Variants in IFNK observed in about 807,000 individuals in gnomAD.
The protein encoded by IFNK is interferon kappa.
IFNK carries 13 observed loss-of-function variants against 12.0 expected under a neutral mutation model. The observed-to-expected ratio is 1.08, with a 90% CI of 0.70 to 1.72. The LOEUF (loss-of-function observed/expected upper bound fraction) is 1.72. Among genes scored for constraint, IFNK ranks in the 40% most tolerant of loss-of-function variants. The pLI is 0.00. For missense variants in IFNK, 248 were observed against 237.0 expected, an observed-to-expected ratio of 1.05 and a Z score of -0.30; for synonymous variants, 94 against 82.3, an observed-to-expected ratio of 1.14 and a Z score of -0.77.
At chr9:27,524,993 T>A in intron 1 of IFNK, 32 bp downstream of exon 1, 1 of 1,498,442 alleles carries the variant, frequency 6.7e-7, no homozygotes, top group Non-Finnish European at 8.9e-7. Flanking sequence ...TCCTTTTCCC[T>A]CCGAAATCTC....
At chr9:27,525,304 G>T (rs1357787563) in intron 1 of IFNK, among the ~76,000 whole-genome samples, 1 of 152,090 alleles carries the variant, frequency 6.6e-6, no homozygotes, top group African/African-American at 2.4e-5. Flanking sequence ...TAGAGGATAG[G>T]GAGCAGAGAA....
intron 1 of IFNK, 38 bp downstream of exon 1, chr9:27,524,999 ATC>A (rs1432272667): frequency 2.0e-6 from 3 of 1,480,632 alleles, no homozygotes; most frequent in African/African-American, 1.4e-5. Context: ...TCCCTCCGAA[ATC>A]TCTTTCTCCT....
intron 1 of IFNK, among the ~76,000 whole-genome samples, chr9:27,525,607 C>A (rs193061866): frequency 1.3e-5 from 2 of 152,206 alleles, no homozygotes; most frequent in Admixed American, 1.3e-4. Flanking sequence ...TTTCATTTAA[C>A]CTTTGAGAGT....
chr9:27,525,444 C>G (rs1002327305), intron 1 of IFNK, among the ~76,000 whole-genome samples: 2 of 152,160 alleles, frequency 1.3e-5, no homozygotes. Context: ...TTTTCCCCCT[C>G]CTGCTCGGGG....
At position 27,524,536 on chromosome 9, in the gene IFNK, A is replaced by G. The variant is rs769539550; in HGVS notation, c.200A>G (p.Glu67Gly). 2 of 1,614,162 alleles carry G rather than the reference A, an allele frequency of 1.2e-6. No individual in the cohort carries two copies. The highest frequency in any genetic ancestry group is 1.7e-6 in the Non-Finnish European group (2 of 1,179,990). Reference protein sequence around the residue: ...VECLRENIAFELPQEFLQYTQ... With the variant: ...VECLRENIAFGLPQEFLQYTQ... ...TGTCTACGAGAAAACATAGCTTTTG[A>G]GTTGCCCCAAGAGTTTCTGCAATAC... The change falls in exon 1 of 2, where the codon GAG (glutamate) becomes GGG (glycine). Residue 67 changes from glutamate (E) to glycine (G), a missense_variant. Glu to Gly is a moderately conservative substitution (Grantham distance 98). Transcript: ENST00000276943.
At chr9:27,525,204 T>A (rs1820417396) in intron 1 of IFNK, among the ~76,000 whole-genome samples, 1 of 152,178 alleles carries the variant, frequency 6.6e-6, no homozygotes, top group African/African-American at 2.4e-5. Context: ...TCCCTCTCCG[T>A]CTTCTTCTAT....
chr9:27,525,166 C>G (rs1002340447), intron 1 of IFNK, among the ~76,000 whole-genome samples: 1 of 152,106 alleles, frequency 6.6e-6, no homozygotes, highest in African/African-American at 2.4e-5. Flanking sequence ...CTTAGAAAGT[C>G]TTTAAGACAT....
Position 27,524,299 on chromosome 9 carries a change from A to G in IFNK, c.-38A>G. 2 of 1,589,544 alleles carry G rather than the reference A, an allele frequency of 1.3e-6. No homozygotes were observed. Among genetic ancestry groups the G allele is most frequent in the Non-Finnish European group, 8.6e-7 (1 of 1,168,160 alleles). Reference sequence around the variant, plus strand: ...AAGGAAAACTCAAAACATCATTGTCATATACACATCTTCTGGATTTTTTAG... The same window carrying G: ...AAGGAAAACTCAAAACATCATTGTCGTATACACATCTTCTGGATTTTTTAG... On this transcript the variant is annotated 5_prime_UTR_variant, in exon 1 of 2. Coordinates refer to ENST00000276943, the MANE Select transcript of IFNK (RefSeq NM_020124.3).
At chr9:27,525,440 C>T (rs905272410) in intron 1 of IFNK, among the ~76,000 whole-genome samples, 2 of 152,170 alleles carry the variant, frequency 1.3e-5, no homozygotes, top group African/African-American at 4.8e-5. Flanking sequence ...TGCATTTTCC[C>T]CCTCCTGCTC....
Position 27,524,459 on chromosome 9 carries a change from C to G in IFNK, c.123C>G (p.Thr41=), listed in dbSNP as rs201531784. The change falls in exon 1 of 2, where the codon ACC becomes ACG. Residue 41 remains threonine, a synonymous_variant. Transcript: ENST00000276943. The part of the protein sequence containing the change: ...NLLNVHLRRV[T]WQNLRHLSSM... ...TGAACGTTCACCTGAGAAGAGTCAC[C>G]TGGCAAAATCTGAGACATCTGAGTA... The G allele has an allele frequency of 4.3e-6, 7 of 1,614,104 alleles. No individual in the cohort carries two copies. The highest frequency in any genetic ancestry group is 5.1e-6 in the Non-Finnish European group (6 of 1,180,004).
intron 1 of IFNK, among the ~76,000 whole-genome samples, 179 bp downstream of exon 1, chr9:27,525,140 G>A (rs1820416360): frequency 6.6e-6 from 1 of 151,978 alleles, no homozygotes; most frequent in African/African-American, 2.4e-5. Context: ...CCATCCTCAG[G>A]GTGACCAAGA....
In IFNK at chr9:27,524,559, T is replaced by C. The variant is rs768269658; in HGVS notation, c.223T>C (p.Tyr75His). 7.3e-5 allele frequency: 118 copies of C among 1,613,976 alleles called. No individual in the cohort carries two copies. The South Asian group carries it at 1.3e-3, about 18-fold the overall frequency. ...TGAGTTGCCCCAAGAGTTTCTGCAATACACCCAACCTATGAAGAGGGACAT... is the reference window on the plus strand; with the variant it reads ...TGAGTTGCCCCAAGAGTTTCTGCAACACACCCAACCTATGAAGAGGGACAT... ...AFELPQEFLQ[Y>H]TQPMKRDIKK... Residue 75 changes from tyrosine (Y) to histidine (H), a missense_variant, in exon 1 of 2, where the codon TAC (tyrosine) becomes CAC (histidine). Transcript: ENST00000276943.
chr9:27,524,652 T>C lies in IFNK; in HGVS notation c.316T>C (p.Trp106Arg). The C allele has an allele frequency of 6.2e-7, 1 of 1,613,992 alleles. No homozygotes were observed. The highest frequency in any genetic ancestry group is 8.5e-7 in the Non-Finnish European group (1 of 1,179,978). The change falls in exon 1 of 2, where the codon TGG (tryptophan) becomes CGG (arginine). Residue 106 changes from tryptophan (W) to arginine (R), a missense_variant. Coordinates refer to ENST00000276943, the MANE Select transcript of IFNK (RefSeq NM_020124.3). ...CTTCAGCCAACACACCTTCAAATAT[T>C]GGAAAGAGAGACACCTCAAACAAAT... is the stretch of plus-strand genomic sequence containing the variant. ...NIFSQHTFKY[W>R]KERHLKQIQI...
At position 27,524,949 on chromosome 9, in the gene IFNK, A is replaced by C; in HGVS notation, c.613A>C (p.Arg205=). ...YYFYKFTALF[R]RK is the part of the protein sequence containing the mutation. ...CTTTTACAAATTTACAGCTCTATTC[A>C]GGAGGAAATAAGGTATATTTTTGGA... is the stretch of plus-strand genomic sequence containing the variant. Residue 205 remains arginine, a synonymous_variant, in exon 1 of 2, where the codon AGG becomes CGG. Transcript: ENST00000276943. 6.3e-7 allele frequency: 1 copy of C among 1,584,866 alleles called. No homozygotes were observed. Among genetic ancestry groups the C allele is most frequent in the South Asian group, 1.2e-5 (1 of 85,640 alleles).
In IFNK at chr9:27,524,628, T is replaced by G; in HGVS notation, c.292T>G (p.Phe98Val). 1 of 1,614,104 alleles carries G rather than the reference T, an allele frequency of 6.2e-7. No homozygotes were observed. The highest frequency in any genetic ancestry group is 2.2e-5 in the East Asian group (1 of 44,878). ...YEMSLQAFNIFSQHTFKYWKE... is the reference protein window; with the variant it reads ...YEMSLQAFNIVSQHTFKYWKE... ...AATGTCCCTACAGGCCTTCAACATC[T>G]TCAGCCAACACACCTTCAAATATTG... The change falls in exon 1 of 2, where the codon TTC (phenylalanine) becomes GTC (valine). Residue 98 changes from phenylalanine (F) to valine (V), a missense_variant. Physicochemically the swap from Phe to Val is conservative, Grantham distance 50. Coordinates refer to ENST00000276943, the MANE Select transcript of IFNK (RefSeq NM_020124.3).
Position 27,524,933 on chromosome 9 carries a change from A to G in IFNK, c.597A>G (p.Lys199=). Residue 199 remains lysine, a synonymous_variant, in exon 1 of 2, where the codon AAA becomes AAG. Transcript: ENST00000276943. ...EIRRCLYYFY[K]FTALFRRK ...GAAGATGTTTGTATTACTTTTACAA[A>G]TTTACAGCTCTATTCAGGAGGAAAT... is the stretch of plus-strand genomic sequence containing the variant. 1 of 1,605,344 alleles carries G rather than the reference A, an allele frequency of 6.2e-7. No individual in the cohort carries two copies. Among genetic ancestry groups the G allele is most frequent in the Non-Finnish European group, 8.5e-7 (1 of 1,177,460 alleles).
In IFNK at chr9:27,524,303, A is replaced by G. The variant is rs567125481; in HGVS notation, c.-34A>G. 6.3e-7 allele frequency: 1 copy of G among 1,593,724 alleles called. No homozygotes were observed. Among genetic ancestry groups the G allele is most frequent in the East Asian group, 2.2e-5 (1 of 44,736 alleles). ...AAAACTCAAAACATCATTGTCATAT[A>G]CACATCTTCTGGATTTTTTAGCTTG... On this transcript the variant is annotated 5_prime_UTR_variant, in exon 1 of 2. In the 5' UTR this introduces an upstream ATG that the reference lacks. Transcript: ENST00000276943.
At position 27,524,582 on chromosome 9, in the gene IFNK, C is replaced by T. The variant is rs989634062; in HGVS notation, c.246C>T (p.Asp82=). ...AATACACCCAACCTATGAAGAGGGACATCAAGAAGGCCTTCTATGAAATGT... is the reference window on the plus strand; with the variant it reads ...AATACACCCAACCTATGAAGAGGGATATCAAGAAGGCCTTCTATGAAATGT... ...FLQYTQPMKR[D]IKKAFYEMSL... Residue 82 remains aspartate, a synonymous_variant, in exon 1 of 2, where the codon GAC becomes GAT. Coordinates refer to ENST00000276943, the MANE Select transcript of IFNK (RefSeq NM_020124.3). 5 of 1,613,984 alleles carry T rather than the reference C, an allele frequency of 3.1e-6. No homozygotes were observed. In the African/African-American group the frequency reaches 6.7e-5, roughly 22 times the overall value.
intron 1 of IFNK, 113 bp from the exon 2 acceptor site, chr9:27,525,894 C>A (rs1408570608): frequency 6.6e-6 from 1 of 152,160 alleles, no homozygotes; most frequent in Non-Finnish European, 1.5e-5. Flanking sequence ...TACTTTGCAG[C>A]CAGACTACCT....
Sources: gnomAD v4.1 joint callset for allele counts (sites outside exome capture counted in the v4.1 genomes callset) on GRCh38, gnomAD v4.1.1 for gene constraint, MANE v1.5 for transcripts, NCBI Gene and HGNC (gene_info 2026-07-23, HGNC 2026-07-21) for gene names.